The following COMMD10 variants were observed in gnomAD, a reference collection of about 807,000 sequenced individuals.
The protein encoded by COMMD10 is COMM domain containing 10, also known as COMM domain-containing protein 10.
A neutral mutation model predicts 28.9 loss-of-function variants in COMMD10; 33 were observed. The ratio of observed to expected loss-of-function variants is 1.14; its 90% CI spans 0.87 to 1.53. The LOEUF is 1.53. COMMD10 is among the 40% of genes most tolerant of loss of function. The probability of loss-of-function intolerance (pLI) is 0.00; values close to 1 mark genes in which losing one functional copy is unlikely to be tolerated. For synonymous variants in COMMD10, 110 were observed against 81.7 expected, an observed-to-expected ratio of 1.35 and a Z score of -1.87; for missense variants, 310 against 233.4, an observed-to-expected ratio of 1.33 and a Z score of -2.14.
intron 5 of COMMD10, among the ~76,000 whole-genome samples, chr5:116,264,654 G>T (rs1047302581): frequency 1.1e-4 from 17 of 151,838 alleles, no homozygotes; most frequent in African/African-American, 4.1e-4. Flanking sequence ...GTGACTGTTA[G>T]GTCTGAGCAC....
At chr5:116,122,615 A>G (rs1751475348) in intron 4 of COMMD10, among the ~76,000 whole-genome samples, 1 of 152,212 alleles carries the variant, frequency 6.6e-6, no homozygotes, top group Non-Finnish European at 1.5e-5. Flanking sequence ...ATCCATGAGC[A>G]TGGAATGCTC....
At chr5:116,227,701 G>A (rs1420019392) in intron 5 of COMMD10, among the ~76,000 whole-genome samples, 1 of 151,904 alleles carries the variant, frequency 6.6e-6, no homozygotes, top group East Asian at 1.9e-4. Context: ...TGTGTTTTCT[G>A]ACTTGATTGG....
chr5:116,235,783 TTTC>T (rs1749645452), intron 5 of COMMD10, among the ~76,000 whole-genome samples: 1 of 152,186 alleles, frequency 6.6e-6, no homozygotes, highest in South Asian at 2.1e-4. Context: ...TCTTAAGGGT[TTTC>T]TTCTTTATCT....
chr5:116,134,313 T>G, intron 5 of COMMD10, 135 bp downstream of exon 5: 2 of 557,584 alleles, frequency 3.6e-6, no homozygotes, highest in South Asian at 4.6e-5. Context: ...AGTGGATCTT[T>G]TTTGACAGAA....
At chr5:116,176,138 G>C (rs1357282531) in intron 5 of COMMD10, among the ~76,000 whole-genome samples, 1 of 152,112 alleles carries the variant, frequency 6.6e-6, no homozygotes, top group Non-Finnish European at 1.5e-5. Context: ...TGTTGAGATA[G>C]ATTGTCTTTG....
chr5:116,174,952 A>G (rs1753454598), intron 5 of COMMD10, among the ~76,000 whole-genome samples: 1 of 152,136 alleles, frequency 6.6e-6, no homozygotes, highest in Admixed American at 6.6e-5. Flanking sequence ...TCGTTTTTTT[A>G]AATAATTGTA....
intron 5 of COMMD10, among the ~76,000 whole-genome samples, chr5:116,266,255 G>T (rs1750581799): frequency 6.6e-6 from 1 of 151,570 alleles, no homozygotes; most frequent in African/African-American, 2.4e-5. Flanking sequence ...TGAATGTAAT[G>T]CATGTTTTCA....
chr5:116,285,411 A>G (rs1039307556), intron 5 of COMMD10, among the ~76,000 whole-genome samples: 1 of 151,868 alleles, frequency 6.6e-6, no homozygotes, highest in Non-Finnish European at 1.5e-5. Flanking sequence ...TCTAAGCTCC[A>G]TTCTTACTTC....
chr5:116,143,809 A>T (rs1752262908), intron 5 of COMMD10, among the ~76,000 whole-genome samples: 1 of 151,920 alleles, frequency 6.6e-6, no homozygotes. Context: ...TTAAGCATTT[A>T]CTACATGTGA....
At chr5:116,098,613 T>C (rs1396206905) in intron 4 of COMMD10, among the ~76,000 whole-genome samples, 2 of 152,158 alleles carry the variant, frequency 1.3e-5, no homozygotes, top group East Asian at 3.8e-4. Flanking sequence ...TATGTGTAGA[T>C]TATATTTAAA....
At chr5:116,292,352 G>A (rs1350310399) in intron 6 of COMMD10, 99 bp from the exon 7 acceptor site, 1 of 605,050 alleles carries the variant, frequency 1.7e-6, no homozygotes, top group Non-Finnish European at 2.7e-6. Flanking sequence ...AGTTACCAGT[G>A]CTATTTTTTC....
chr5:116,086,463 C>CTT (rs11393088), intron 1 of COMMD10, among the ~76,000 whole-genome samples: 7 of 135,180 alleles, frequency 5.2e-5, no homozygotes, highest in South Asian at 2.2e-4. Context: ...ATCTCTCTCT[C>CTT]TTTTTTTTCC....
chr5:116,285,765 T>C (rs1055325785), intron 5 of COMMD10, among the ~76,000 whole-genome samples: 2 of 151,910 alleles, frequency 1.3e-5, no homozygotes, highest in Admixed American at 6.6e-5. Context: ...CTCTTGACTT[T>C]AGTTTGCTAG....
At chr5:116,149,699 G>A (rs1306769647) in intron 5 of COMMD10, among the ~76,000 whole-genome samples, 1 of 149,084 alleles carries the variant, frequency 6.7e-6, no homozygotes, top group Non-Finnish European at 1.5e-5. Context: ...TTTTTGATGG[G>A]GTTGTTTGTT....
chr5:116,254,548 G>A (rs564479366), intron 5 of COMMD10, among the ~76,000 whole-genome samples: 7,104 of 151,088 alleles, frequency 0.047, 273 homozygotes, highest in African/African-American at 0.089. Flanking sequence ...CCTTCATTTC[G>A]TTATGTACCC....
At chr5:116,165,570 C>G (rs1436163339) in intron 5 of COMMD10, among the ~76,000 whole-genome samples, 6 of 151,984 alleles carry the variant, frequency 3.9e-5, no homozygotes, top group Non-Finnish European at 5.9e-5. Flanking sequence ...TCTGCCTTGT[C>G]TTCACATGAT....
intron 5 of COMMD10, 105 bp downstream of exon 5, chr5:116,134,283 C>A: frequency 1.6e-6 from 1 of 627,192 alleles, no homozygotes; most frequent in Non-Finnish European, 2.8e-6. Flanking sequence ...AAACATAATT[C>A]AGTTAAACAG....
At chr5:116,220,709 G>C (rs962496527) in intron 5 of COMMD10, among the ~76,000 whole-genome samples, 2 of 152,116 alleles carry the variant, frequency 1.3e-5, no homozygotes, top group Non-Finnish European at 2.9e-5. Context: ...GAAAAATTAT[G>C]TTTCTAAATT....
rs894944869 is a variant in COMMD10 at position 116,085,059 on chromosome 5, G to A, written c.7G>A (p.Val3Ile). The A allele has an allele frequency of 6.2e-7, 1 of 1,609,152 alleles. No homozygotes were observed. The highest frequency in any genetic ancestry group is 2.2e-5 in the East Asian group (1 of 44,656). MAVPAALILRESP... is the reference protein window; with the variant it reads MAIPAALILRESP... Reference sequence around the variant, plus strand: ...CAGTGCGAGAAAGCCGAAGATGGCGGTCCCCGCGGCGCTGATCCTACGGGA... The same window carrying A: ...CAGTGCGAGAAAGCCGAAGATGGCGATCCCCGCGGCGCTGATCCTACGGGA... Residue 3 changes from valine (V) to isoleucine (I), a missense_variant, in exon 1 of 7, where the codon GTC becomes ATC. Coordinates refer to ENST00000274458, the MANE Select transcript of COMMD10 (RefSeq NM_016144.4).
Sources: allele counts gnomAD v4.1 joint callset (sites outside exome capture counted in the v4.1 genomes callset), GRCh38; gene constraint gnomAD v4.1.1; transcripts MANE v1.5; gene names NCBI Gene and HGNC (gene_info 2026-07-23, HGNC 2026-07-21).